The following CLN6 variants were observed in gnomAD, a reference collection of about 807,000 sequenced individuals.
The protein encoded by CLN6 is CLN6 transmembrane ER protein, also known as ceroid-lipofuscinosis neuronal protein 6.
A neutral mutation model predicts 33.3 loss-of-function variants in CLN6; 22 were observed. The ratio of observed to expected loss-of-function variants is 0.66; its 90% CI spans 0.47 to 0.94. CLN6 has a LOEUF of 0.94. Ranked by LOEUF, CLN6 falls within the 40% of genes least tolerant of loss-of-function variation. The pLI is 0.00. For missense variants in CLN6, 387 were observed against 417.1 expected (o/e 0.93, Z 0.63); for synonymous variants, 201 against 174.6 (o/e 1.15, Z -1.19).
chr15:68,212,006 G>A (rs1045516052), intron 3 of CLN6, 143 bp from the exon 4 acceptor site: 11 of 776,380 alleles, frequency 1.4e-5, no homozygotes, highest in East Asian at 2.7e-5. Flanking sequence ...CCTTTAGCAG[G>A]CCAGCCCAGC....
At position 68,208,302 on chromosome 15, in the gene CLN6, G is replaced by A. The variant is rs1555438231; in HGVS notation, c.774C>T (p.Asn258=). The part of the protein sequence containing the change: ...QKRKRLFLDS[N]GLFLFSSFAL... ...CGAAGGAGGAGAAGAGGAAGAGGCC[G>A]TTGCTGTCCAGGAAGAGGCGCTTGC... Residue 258 remains asparagine (N), a synonymous_variant, in exon 7 of 7, where the codon AAC becomes AAT. Coordinates refer to ENST00000249806, the MANE Select transcript of CLN6 (RefSeq NM_017882.3). This position sits in a 1 kb window ranked among gnomAD's most constrained non-coding sequence, Gnocchi z 5.8. The A allele has an allele frequency of 5.6e-6, 9 of 1,614,160 alleles. No individual in the cohort carries two copies. Among genetic ancestry groups the A allele is most frequent in the South Asian group, 3.3e-5 (3 of 91,090 alleles).
At position 68,256,444 on chromosome 15, in the gene CLN6, G is replaced by A. The variant is rs1412859568; in HGVS notation, c.179+246C>T. On this transcript the variant is annotated intron_variant, in intron 1 of 6. Transcript: ENST00000538696. This position sits in a 1 kb window ranked among gnomAD's most constrained non-coding sequence, Gnocchi z 4.1. ...TTTTTAAATGTGGTTACTAGAAAATGTAAAATTACATATGTGGCTCGCACT... is the reference window on the plus strand; with the variant it reads ...TTTTTAAATGTGGTTACTAGAAAATATAAAATTACATATGTGGCTCGCACT... 1.3e-5 allele frequency among the ~76,000 whole-genome samples: 2 copies of A among 152,176 alleles called. No homozygotes were observed. Among genetic ancestry groups the A allele is most frequent in the African/African-American group, 4.8e-5 (2 of 41,446 alleles).
In CLN6 at chr15:68,220,523, T is replaced by C. The variant is rs1223200676; in HGVS notation, c.84-1873A>G. Among the ~76,000 whole-genome samples the C allele has an allele frequency of 6.6e-6, 1 of 152,208 alleles. No individual in the cohort carries two copies. The highest frequency in any genetic ancestry group is 2.4e-5 in the African/African-American group (1 of 41,460). ...GTGAGGAAAAGAGCTCCTTCCTTTATAGTGCTGGGTTCTAAGGGTGCAAGC... is the reference window on the plus strand; with the variant it reads ...GTGAGGAAAAGAGCTCCTTCCTTTACAGTGCTGGGTTCTAAGGGTGCAAGC... On this transcript the variant is annotated intron_variant, in intron 1 of 6. Transcript: ENST00000249806. This position sits in a 1 kb window ranked among gnomAD's most constrained non-coding sequence, Gnocchi z 4.2.
Position 68,211,130 on chromosome 15 carries a change from C to T in CLN6, c.542+133G>A, listed in dbSNP as rs1481304607. The stretch of plus-strand genomic sequence containing the variant: ...TTCACTGGAGGTTGAGCTCACAGTG[C>T]CTTTACAGGGGATGAGACTCAACAC... On this transcript the variant is annotated intron_variant, in intron 5 of 6. Transcript: ENST00000249806. The surrounding 1 kb of genome is among the most constrained non-coding windows in gnomAD (Gnocchi z 5.9). 8.5e-6 allele frequency: 7 copies of T among 822,536 alleles called. No homozygotes were observed. The highest frequency in any genetic ancestry group is 1.3e-5 in the Non-Finnish European group (6 of 466,624). 51.0% of individuals were successfully genotyped at this position (822,536 alleles called of 1,614,324 possible). A position where few individuals can be genotyped will look rare whatever the true frequency, so the allele number is the denominator to read the frequency against.
chr15:68,255,921 G>C (rs1892429626), intron 1 of CLN6, among the ~76,000 whole-genome samples: 1 of 150,792 alleles, frequency 6.6e-6, no homozygotes, highest in African/African-American at 2.4e-5. Flanking sequence ...AGCCTCCCCA[G>C]TAGCTGGGAC....
In CLN6 at chr15:68,228,559, T is replaced by C. The variant is rs1399643805; in HGVS notation, c.83+943A>G. 6.6e-6 allele frequency among the ~76,000 whole-genome samples: 1 copy of C among 152,178 alleles called. No individual in the cohort carries two copies. Among genetic ancestry groups the C allele is most frequent in the Non-Finnish European group, 1.5e-5 (1 of 68,028 alleles). ...ATCAGTCTGCATCCTCCTGTCACTT[T>C]CTTTTACAGCCGGAAAGCTCCAGCA... On this transcript the variant is annotated intron_variant, in intron 1 of 6. Coordinates refer to ENST00000249806, the MANE Select transcript of CLN6 (RefSeq NM_017882.3). This position sits in a 1 kb window ranked among gnomAD's most constrained non-coding sequence, Gnocchi z 4.4.
intron 1 of CLN6, among the ~76,000 whole-genome samples, chr15:68,237,163 C>A (rs1414513415): frequency 1.4e-4 from 10 of 73,928 alleles, no homozygotes; most frequent in East Asian, 5.0e-4. Context: ...GACTCCGTCT[C>A]AAAAAAAAAA....
rs2093203992 is a variant in CLN6, at chr15:68,211,229, G to A, written c.542+34C>T. 2.5e-6 allele frequency: 4 copies of A among 1,604,744 alleles called. No homozygotes were observed. Among genetic ancestry groups the A allele is most frequent in the African/African-American group, 1.3e-5 (1 of 74,742 alleles). On this transcript the variant is annotated intron_variant, in intron 5 of 6. Coordinates refer to ENST00000249806, the MANE Select transcript of CLN6 (RefSeq NM_017882.3). This position sits in a 1 kb window ranked among gnomAD's most constrained non-coding sequence, Gnocchi z 5.9. ...GTGACAGGGCTAGCCGGTAGTTGGG[G>A]CCCCTGGGATAGACAGATGGGCCCA...
upstream of CLN6, chr15:68,229,772 A>G (rs541466473): frequency 0.059 from 15,781 of 268,662 alleles, 2,382 homozygotes; most frequent in African/African-American, 0.37. Flanking sequence ...AGCGGAGCGG[A>G]GCGGAGGGAG....
At chr15:68,250,112 C>T (rs962173751) in intron 1 of CLN6, among the ~76,000 whole-genome samples, 2 of 152,142 alleles carry the variant, frequency 1.3e-5, no homozygotes, top group South Asian at 2.1e-4. Context: ...ATAATTCAAA[C>T]GTTCCTAGCA....
rs7182333 is a variant in CLN6, at chr15:68,214,472, G to A, written c.199-84C>T. The A allele has an allele frequency of 1.5e-3, 1,384 of 896,864 alleles. 13 individuals carry two copies. In the African/African-American group the frequency reaches 0.02, roughly 13 times the overall value. The allele number at this position is 896,864 out of a possible 1,614,324, so 55.6% of individuals were successfully genotyped here. A position where few individuals can be genotyped will look rare whatever the true frequency, so the allele number is the denominator to read the frequency against. On this transcript the variant is annotated intron_variant, in intron 2 of 6. Coordinates refer to ENST00000249806, the MANE Select transcript of CLN6 (RefSeq NM_017882.3). ...CTCAAGGGAGTCTGCCCCTAATGCC[G>A]CCCACCCCAACTCCTTTCACCCCCC...
Position 68,254,773 on chromosome 15 carries a change from G to A in CLN6, c.179+1917C>T, listed in dbSNP as rs1892416545. ...CCAAACCTAAAAAGGCCCCTGCAAA[G>A]AAGGGAGAGAAGGTACCAAAAGGGA... On this transcript the variant is annotated intron_variant, in intron 1 of 6. Transcript: ENST00000538696. 15 of 845,382 alleles carry A rather than the reference G, an allele frequency of 1.8e-5. No homozygotes were observed. The East Asian group carries it at 3.6e-4, about 20-fold the overall frequency. 52.4% of individuals were successfully genotyped at this position (845,382 alleles called of 1,614,324 possible). A position where few individuals can be genotyped will look rare whatever the true frequency, so the allele number is the denominator to read the frequency against.
upstream of CLN6, among the ~76,000 whole-genome samples, chr15:68,234,056 CA>C (rs1892191931): frequency 6.6e-6 from 1 of 152,128 alleles, no homozygotes; most frequent in Admixed American, 6.5e-5. The surrounding 1 kb of genome is among the most constrained non-coding windows in gnomAD (Gnocchi z 4.1). Flanking sequence ...ATTTCTATTA[CA>C]AGGATTTAGG....
At chr15:68,232,726 C>T (rs1446783987), upstream of CLN6, among the ~76,000 whole-genome samples, 1 of 152,166 alleles carries the variant, frequency 6.6e-6, no homozygotes, top group Non-Finnish European at 1.5e-5. The surrounding 1 kb of genome is among the most constrained non-coding windows in gnomAD (Gnocchi z 4.7). Context: ...GGCCTGAGTT[C>T]CGAGTTCACA....
Position 68,214,373 on chromosome 15 carries a change from C to A in CLN6, c.214G>T (p.Glu72Ter), listed in dbSNP as rs104894483. ...CTGGGCTTGTTGAGTGGAAACCACT[C>A]GAGAGGGAATACCAGCTGCGGAGCA... Reference protein sequence around the residue: ...RPIAMLVFPLEWFPLNKPSVG... With the variant: ...RPIAMLVFPL Residue 72 changes from glutamate to a stop codon, truncating the protein, a stop_gained, in exon 3 of 7, where the codon GAG becomes TAG. Coordinates refer to ENST00000249806, the MANE Select transcript of CLN6 (RefSeq NM_017882.3). LOFTEE classifies it high-confidence loss of function. 3.5e-5 allele frequency: 57 copies of A among 1,613,614 alleles called. No individual in the cohort carries two copies. In the Admixed American group the frequency reaches 8.7e-4, roughly 25 times the overall value.
At chr15:68,221,324 C>A (rs960499221) in intron 1 of CLN6, among the ~76,000 whole-genome samples, 10 of 151,452 alleles carry the variant, frequency 6.6e-5, no homozygotes, top group African/African-American at 2.2e-4. Flanking sequence ...CTCCCTGCCT[C>A]GGGCTCCCGT....
chr15:68,225,491 T>G (rs2141152385), intron 1 of CLN6, among the ~76,000 whole-genome samples: 1 of 152,184 alleles, frequency 6.6e-6, no homozygotes, highest in East Asian at 1.9e-4. Flanking sequence ...ATCTTTTTAT[T>G]TTAGTTTTGG....
intron 1 of CLN6, among the ~76,000 whole-genome samples, chr15:68,221,368 A>C (rs2093235443): frequency 6.6e-6 from 1 of 151,850 alleles, no homozygotes; most frequent in Admixed American, 6.6e-5. Context: ...AGTGCCTGGG[A>C]TCGCAGGCAC....
intron 1 of CLN6, among the ~76,000 whole-genome samples, chr15:68,244,422 G>A (rs1255907065): frequency 6.7e-6 from 1 of 149,826 alleles, no homozygotes. Flanking sequence ...AGTGCTGAAA[G>A]AAAAAAAAAA....
Sources: allele counts gnomAD v4.1 joint callset (sites outside exome capture counted in the v4.1 genomes callset), GRCh38; gene constraint gnomAD v4.1.1; non-coding constraint Gnocchi (gnomAD v3.1); transcripts MANE v1.5; gene names NCBI Gene and HGNC (gene_info 2026-07-23, HGNC 2026-07-21).